The following GPC6 variants were observed in gnomAD, a reference collection of about 807,000 sequenced individuals.
GPC6 encodes glypican-6.
Under a neutral mutation model 55.2 loss-of-function variants are expected in GPC6, and 14 were observed. The observed-to-expected ratio is 0.25, with a 90% CI of 0.17 to 0.40. The LOEUF is 0.40. Ranked by LOEUF, GPC6 falls within the 10% of genes least tolerant of loss-of-function variation. The pLI is 1.00. For synonymous variants in GPC6, 278 were observed against 259.6 expected, an observed-to-expected ratio of 1.07 and a Z score of -0.68; for missense variants, 641 against 708.5, an observed-to-expected ratio of 0.90 and a Z score of 1.08.
chr13:93,252,104 G>A (rs1876805341), intron 1 of GPC6, among the ~76,000 whole-genome samples: 1 of 152,154 alleles, frequency 6.6e-6, no homozygotes, highest in African/African-American at 2.4e-5. Context: ...AACCTAAACA[G>A]GTGGGCCCCA....
chr13:93,444,199 T>C (rs1204443000), intron 1 of GPC6, among the ~76,000 whole-genome samples: 7 of 150,654 alleles, frequency 4.6e-5, no homozygotes, highest in South Asian at 2.1e-4. Context: ...ATTCTTCTTT[T>C]TTTTTTTTTT....
intron 4 of GPC6, among the ~76,000 whole-genome samples, chr13:94,276,830 A>C (rs944765271): frequency 2.0e-5 from 3 of 152,150 alleles, no homozygotes; most frequent in Admixed American, 6.5e-5. Flanking sequence ...TTCTTTATCC[A>C]GTCTATCACT....
intron 4 of GPC6, among the ~76,000 whole-genome samples, chr13:94,219,313 G>A (rs1302863635): frequency 6.6e-6 from 1 of 152,160 alleles, no homozygotes; most frequent in Non-Finnish European, 1.5e-5. Context: ...TCAAGGGCCT[G>A]TCCCTGGGCC....
intron 4 of GPC6, among the ~76,000 whole-genome samples, chr13:94,182,337 G>A (rs1399524342): frequency 1.3e-5 from 2 of 152,202 alleles, no homozygotes; most frequent in African/African-American, 4.8e-5. Context: ...CCTGGGGCAG[G>A]TCAGAGCATC....
In GPC6 at chr13:94,406,554, C is replaced by T; in HGVS notation, c.*3337C>T. ...ATACTATTTTGTCTACACTGAAAAACATTATTATTCATTGATAAGTAGTAA... is the reference window on the plus strand; with the variant it reads ...ATACTATTTTGTCTACACTGAAAAATATTATTATTCATTGATAAGTAGTAA... On this transcript the variant is annotated 3_prime_UTR_variant, in exon 9 of 9. Coordinates refer to ENST00000377047, the MANE Select transcript of GPC6 (RefSeq NM_005708.5). 1 of 152,278 alleles carries T rather than the reference C, an allele frequency of 6.6e-6. No individual in the cohort carries two copies. The allele number at this position is 152,278 out of a possible 1,614,324, so 9.4% of individuals were successfully genotyped here.
intron 1 of GPC6, among the ~76,000 whole-genome samples, chr13:93,393,063 G>A (rs1042570295): frequency 6.8e-6 from 1 of 147,136 alleles, no homozygotes; most frequent in Admixed American, 6.9e-5. Context: ...TAGATAGATA[G>A]ATATTTGAGA....
chr13:93,956,513 T>C (rs1230303770), intron 3 of GPC6, among the ~76,000 whole-genome samples: 1 of 152,174 alleles, frequency 6.6e-6, no homozygotes, highest in African/African-American at 2.4e-5. Flanking sequence ...TCAGGAAGGA[T>C]TTTCTCCAAA....
chr13:94,324,077 A>G (rs368325318), intron 6 of GPC6, among the ~76,000 whole-genome samples: 3 of 152,354 alleles, frequency 2.0e-5, no homozygotes, highest in East Asian at 3.9e-4. Context: ...TTACAGCCAC[A>G]TAGCAAGATG....
At chr13:93,772,740 G>A (rs1885342606) in intron 2 of GPC6, among the ~76,000 whole-genome samples, 1 of 152,008 alleles carries the variant, frequency 6.6e-6, no homozygotes, top group South Asian at 2.1e-4. Flanking sequence ...TCCTGCACAG[G>A]GTCTTGCCAG....
chr13:93,495,604 T>A (rs1880232110), intron 1 of GPC6, among the ~76,000 whole-genome samples: 1 of 108,846 alleles, frequency 9.2e-6, no homozygotes, highest in African/African-American at 3.5e-5. Flanking sequence ...GGTGCTCTGC[T>A]TTTTAGAGTT....
intron 3 of GPC6, among the ~76,000 whole-genome samples, chr13:93,959,503 C>T (rs1879670561): frequency 6.6e-6 from 1 of 152,134 alleles, no homozygotes; most frequent in Non-Finnish European, 1.5e-5. Context: ...CCCAATTGCT[C>T]TGGGAAGCAC....
chr13:94,177,003 A>G (rs192489832), intron 4 of GPC6, among the ~76,000 whole-genome samples: 1 of 152,252 alleles, frequency 6.6e-6, no homozygotes, highest in African/African-American at 2.4e-5. Flanking sequence ...TATTTTTAAA[A>G]GACAGAAAAA....
intron 6 of GPC6, among the ~76,000 whole-genome samples, chr13:94,316,680 G>GCACTC (rs1329135320): frequency 1.4e-5 from 2 of 146,450 alleles, no homozygotes; most frequent in African/African-American, 5.1e-5. Flanking sequence ...TCCCGCCACT[G>GCACTC]CACTCCAGCC....
chr13:93,929,302 G>A (rs1878031008), intron 3 of GPC6, among the ~76,000 whole-genome samples: 1 of 152,042 alleles, frequency 6.6e-6, no homozygotes, highest in Admixed American at 6.6e-5. Context: ...TGTGGACAGT[G>A]GTATTTATCT....
chr13:94,358,286 C>CAA (rs572937217), intron 6 of GPC6, among the ~76,000 whole-genome samples: 2 of 63,998 alleles, frequency 3.1e-5, no homozygotes, highest in East Asian at 4.6e-4. Context: ...AAGACTCCGT[C>CAA]AAAAAAAAAA....
chr13:93,541,025 T>G (rs1371265399), intron 1 of GPC6, among the ~76,000 whole-genome samples: 1 of 135,320 alleles, frequency 7.4e-6, no homozygotes, highest in East Asian at 2.0e-4. Context: ...GATATCATCC[T>G]TTTTTTTTTA....
chr13:94,217,874 G>A (rs1455293463), intron 4 of GPC6, among the ~76,000 whole-genome samples: 1 of 151,762 alleles, frequency 6.6e-6, no homozygotes, highest in Non-Finnish European at 1.5e-5. Flanking sequence ...TAAGGGACAT[G>A]ATACAACTTA....
rs142889210 is a variant in GPC6, at chr13:94,155,686, G to A, written c.877+127792G>A. Among the ~76,000 whole-genome samples, 19 of 152,196 alleles carry A rather than the reference G, an allele frequency of 1.2e-4. No homozygotes were observed. The East Asian group carries it at 3.5e-3, about 28-fold the overall frequency. On this transcript the variant is annotated intron_variant, in intron 4 of 8. Transcript: ENST00000377047. The stretch of plus-strand genomic sequence containing the variant: ...CATAAGAGGATAACTCTTCTGATAC[G>A]CAAATCTGATTAACCATGCCACTTC...
intron 4 of GPC6, among the ~76,000 whole-genome samples, chr13:94,259,808 G>T (rs978391516): frequency 3.3e-5 from 5 of 151,966 alleles, no homozygotes; most frequent in Admixed American, 2.6e-4. Context: ...TGTTCTCAAG[G>T]TTCATTCATA....
Sources: allele counts gnomAD v4.1 joint callset (sites outside exome capture counted in the v4.1 genomes callset), GRCh38; gene constraint gnomAD v4.1.1; transcripts MANE v1.5; gene names NCBI Gene and HGNC (gene_info 2026-07-23, HGNC 2026-07-21).